The following TBXAS1 variants were observed in gnomAD, a reference collection of about 807,000 sequenced individuals.
TBXAS1 encodes the protein thromboxane A synthase 1.
TBXAS1 carries 48 observed loss-of-function variants against 60.7 expected under a neutral mutation model. That is an observed-to-expected ratio of 0.79 (90% CI 0.63 to 1.01). The LOEUF (loss-of-function observed/expected upper bound fraction) is 1.01, where lower values mean the gene tolerates loss of function less well. Ranked by LOEUF, TBXAS1 falls within the 50% of genes least tolerant of loss-of-function variation. TBXAS1 has a pLI of 0.00. For missense variants in TBXAS1, 685 were observed against 686.3 expected (o/e 1.00, Z 0.02); for synonymous variants, 287 against 269.7 (o/e 1.06, Z -0.63).
At chr7:139,973,492 T>C (rs1811356162) in intron 9 of TBXAS1, among the ~76,000 whole-genome samples, 1 of 152,132 alleles carries the variant, frequency 6.6e-6, no homozygotes, top group South Asian at 2.1e-4. Flanking sequence ...AACCCTAGGT[T>C]TTCCAGAAAG....
chr7:139,943,986 G>T (rs1808496003), intron 5 of TBXAS1, among the ~76,000 whole-genome samples: 3 of 152,186 alleles, frequency 2.0e-5, no homozygotes, highest in East Asian at 3.9e-4. Context: ...TTGCCCCCAG[G>T]TCCACCAAGG....
intron 9 of TBXAS1, among the ~76,000 whole-genome samples, chr7:139,992,803 G>A (rs1272737984): frequency 6.6e-6 from 1 of 152,234 alleles, no homozygotes; most frequent in African/African-American, 2.4e-5. Flanking sequence ...AGGTAGAGAA[G>A]TCGCTGAAGG....
chr7:139,886,265 T>A (rs1190135270), intron 3 of TBXAS1, among the ~76,000 whole-genome samples: 2 of 152,166 alleles, frequency 1.3e-5, no homozygotes, highest in Non-Finnish European at 2.9e-5. Context: ...ACCCACTCTA[T>A]GAAGTTTTTC....
intron 9 of TBXAS1, among the ~76,000 whole-genome samples, chr7:140,002,459 C>T (rs924727421): frequency 5.3e-5 from 8 of 152,266 alleles, no homozygotes; most frequent in African/African-American, 1.9e-4. Flanking sequence ...ATTTAGCATG[C>T]GCTTGTTGCC....
chr7:140,015,843 G>A lies in TBXAS1; in HGVS notation c.1347G>A (p.Glu449=). Residue 449 remains glutamate, a synonymous_variant, in exon 11 of 13, where the codon GAG becomes GAA. Transcript: ENST00000448866. ...HHDPEHWPSP[E]TFNPERFTAE... is the part of the protein sequence containing the mutation. ...ACCCTGAGCACTGGCCAAGCCCGGAGACCTTCAACCCTGAAAGGTGAGTAC... is the reference window on the plus strand; with the variant it reads ...ACCCTGAGCACTGGCCAAGCCCGGAAACCTTCAACCCTGAAAGGTGAGTAC... The A allele has an allele frequency of 6.2e-7, 1 of 1,613,858 alleles. No individual in the cohort carries two copies. The highest frequency in any genetic ancestry group is 8.5e-7 in the Non-Finnish European group (1 of 1,180,040).
At chr7:139,997,413 C>T (rs908002496) in intron 9 of TBXAS1, among the ~76,000 whole-genome samples, 5 of 152,144 alleles carry the variant, frequency 3.3e-5, no homozygotes, top group Non-Finnish European at 5.9e-5. Context: ...CTAAATATTA[C>T]CAAACAGCAG....
At chr7:139,862,825 T>C (rs1180400985) in intron 1 of TBXAS1, among the ~76,000 whole-genome samples, 2 of 152,354 alleles carry the variant, frequency 1.3e-5, no homozygotes, top group Non-Finnish European at 2.9e-5. Flanking sequence ...ATGTTATTAA[T>C]ACACTTTTGG....
intron 5 of TBXAS1, among the ~76,000 whole-genome samples, chr7:139,938,684 G>T (rs1808011353): frequency 6.6e-6 from 1 of 152,158 alleles, no homozygotes; most frequent in African/African-American, 2.4e-5. Flanking sequence ...AGGTAGGTGA[G>T]CCTAGGGCTG....
At chr7:139,918,155 T>C (rs1806151284) in intron 4 of TBXAS1, among the ~76,000 whole-genome samples, 1 of 152,222 alleles carries the variant, frequency 6.6e-6, no homozygotes, top group Admixed American at 6.5e-5. Flanking sequence ...TATGGTGAAA[T>C]GTCTTTGATT....
chr7:139,814,001 C>T lies in TBXAS1; in HGVS notation c.-79-15311C>T, dbSNP rs568080541. 2.0e-5 allele frequency among the ~76,000 whole-genome samples: 3 copies of T among 152,172 alleles called. No individual in the cohort carries two copies. The South Asian group carries it at 6.2e-4, about 32-fold the overall frequency. On this transcript the variant is annotated intron_variant, in intron 4 of 16. Transcript: ENST00000336425. ...CTTTTGGATTGGCTTTCTTTTGGAC[C>T]GTTTGTGTGGCATTGATGCTGCCTT...
chr7:140,008,447 C>CTTT lies in TBXAS1; in HGVS notation c.1226+1281_1226+1283dup, dbSNP rs35875761. ...CTGTCATCCAATTCTTTCTTTTATT[C>CTTT]TTTTTTTTTTTTTTTTTTGAGATGG... On this transcript the variant is annotated intron_variant, in intron 10 of 12. Transcript: ENST00000448866. Among the ~76,000 whole-genome samples the CTTT allele has an allele frequency of 9.5e-5, 12 of 126,016 alleles. No homozygotes were observed. In the East Asian group the frequency reaches 9.6e-4, roughly 10 times the overall value. 82.7% of individuals were successfully genotyped at this position (126,016 alleles called of 152,430 possible).
intron 9 of TBXAS1, among the ~76,000 whole-genome samples, chr7:140,006,848 A>G (rs949874578): frequency 6.6e-6 from 1 of 152,174 alleles, no homozygotes; most frequent in African/African-American, 2.4e-5. Flanking sequence ...GCAGTTTTAT[A>G]ACCAAACTTC....
At chr7:139,858,027 C>G (rs1800704403) in intron 1 of TBXAS1, among the ~76,000 whole-genome samples, 1 of 152,142 alleles carries the variant, frequency 6.6e-6, no homozygotes, top group Non-Finnish European at 1.5e-5. Flanking sequence ...AGCTACCACG[C>G]CTGGCCTTGG....
At chr7:139,869,293 G>A (rs1281982878) in intron 1 of TBXAS1, among the ~76,000 whole-genome samples, 2 of 152,110 alleles carry the variant, frequency 1.3e-5, no homozygotes, top group Non-Finnish European at 2.9e-5. Flanking sequence ...ATAGTCACTC[G>A]GCACTTTCCT....
In TBXAS1 at chr7:139,872,314, A is replaced by G. The variant is rs1801880397; in HGVS notation, c.169A>G (p.Thr57Ala). The change falls in exon 2 of 13, where the codon ACA becomes GCA. Residue 57 changes from threonine to alanine, a missense_variant. Transcript: ENST00000448866. ...GCCTTCTCCTTTCATTGGAAACTTGACATTTTTCCGCCAGGTAAGGGCTGT... is the reference window on the plus strand; with the variant it reads ...GCCTTCTCCTTTCATTGGAAACTTGGCATTTTTCCGCCAGGTAAGGGCTGT... ...PKPSPFIGNL[T>A]FFRQGFWESQ... 6.2e-7 allele frequency: 1 copy of G among 1,613,816 alleles called. No homozygotes were observed. Among genetic ancestry groups the G allele is most frequent in the Admixed American group, 1.7e-5 (1 of 59,998 alleles).
chr7:139,892,061 C>T (rs7810727), intron 3 of TBXAS1, among the ~76,000 whole-genome samples: 57,755 of 151,956 alleles, frequency 0.38, 11,464 homozygotes, highest in South Asian at 0.49. Flanking sequence ...GGGACATGTT[C>T]TCCTGATACA....
At position 139,999,812 on chromosome 7, in the gene TBXAS1, A is replaced by G. The variant is rs1813539953; in HGVS notation, c.1135-7279A>G. 6.6e-6 allele frequency among the ~76,000 whole-genome samples: 1 copy of G among 152,206 alleles called. No homozygotes were observed. Among genetic ancestry groups the G allele is most frequent in the South Asian group, 2.1e-4 (1 of 4,826 alleles). On this transcript the variant is annotated intron_variant, in intron 9 of 12. Transcript: ENST00000448866. The surrounding 1 kb of genome is among the most constrained non-coding windows in gnomAD (Gnocchi z 4.3). Reference sequence around the variant, plus strand: ...TGACAGCTGGGTAGGCATAACTACTACAGATGCTGCTGTTCCTACTGCTCT... The same window carrying G: ...TGACAGCTGGGTAGGCATAACTACTGCAGATGCTGCTGTTCCTACTGCTCT...
chr7:139,813,866 G>T (rs755646512), intron 4 of TBXAS1, among the ~76,000 whole-genome samples: 14 of 152,198 alleles, frequency 9.2e-5, no homozygotes, highest in Non-Finnish European at 1.6e-4. Context: ...GATGAATGAG[G>T]TGAAGAAGGC....
intron 4 of TBXAS1, among the ~76,000 whole-genome samples, chr7:139,926,709 A>G (rs186433964): frequency 1.4e-3 from 212 of 151,422 alleles, no homozygotes; most frequent in African/African-American, 5.0e-3. Flanking sequence ...TCTAAGATGT[A>G]TCATTAGGTT....
Sources: allele counts gnomAD v4.1 joint callset (sites outside exome capture counted in the v4.1 genomes callset), GRCh38; gene constraint gnomAD v4.1.1; non-coding constraint Gnocchi (gnomAD v3.1); transcripts MANE v1.5; gene names NCBI Gene and HGNC (gene_info 2026-07-23, HGNC 2026-07-21).